The following IQGAP1 variants were observed in gnomAD, a reference collection of about 807,000 sequenced individuals.
IQGAP1 encodes the protein IQ motif containing GTPase activating protein 1.
Under a neutral mutation model 215.6 loss-of-function variants are expected in IQGAP1, and 66 were observed. The ratio of observed to expected loss-of-function variants is 0.31; its 90% CI spans 0.25 to 0.38. The LOEUF is 0.38. Among genes scored for constraint, IQGAP1 ranks in the 10% least tolerant of loss-of-function variants. The pLI is 1.00. For missense variants in IQGAP1, 1,712 were observed against 1,997.1 expected, an observed-to-expected ratio of 0.86 and a Z score of 2.72; for synonymous variants, 772 against 728.7, an observed-to-expected ratio of 1.06 and a Z score of -0.96.
intron 18 of IQGAP1, among the ~76,000 whole-genome samples, chr15:90,470,088 C>T (rs747506088): frequency 6.6e-6 from 1 of 152,136 alleles, no homozygotes; most frequent in African/African-American, 2.4e-5. Flanking sequence ...CATATATGGA[C>T]CTAAGAATTT....
chr15:90,487,006 G>A lies in IQGAP1; in HGVS notation c.4077G>A (p.Thr1359=), dbSNP rs138905294. 453 of 1,614,008 alleles carry A rather than the reference G, an allele frequency of 2.8e-4. No homozygotes were observed. Among genetic ancestry groups the A allele is most frequent in the Admixed American group, 6.2e-4 (37 of 60,024 alleles). The change falls in exon 32 of 38, where the codon ACG becomes ACA. Residue 1359 remains threonine, a synonymous_variant. Transcript: ENST00000268182. Reference sequence around the variant, plus strand: ...CAAATAAGGAGGCACTGGCTAAGACGGAAGTGTCTCTCACCCTGACCAACA... The same window carrying A: ...CAAATAAGGAGGCACTGGCTAAGACAGAAGTGTCTCTCACCCTGACCAACA... ...NDPNKEALAK[T]EVSLTLTNKF... is the part of the protein sequence containing the mutation.
chr15:90,456,042 A>G, intron 14 of IQGAP1, 110 bp from the exon 15 acceptor site: 1 of 881,618 alleles, frequency 1.1e-6, no homozygotes, highest in East Asian at 2.6e-5. Flanking sequence ...TGCAGTTTGA[A>G]TCATGGTTAC....
At chr15:90,459,277 A>G (rs1212955130) in intron 15 of IQGAP1, among the ~76,000 whole-genome samples, 1 of 152,236 alleles carries the variant, frequency 6.6e-6, no homozygotes, top group African/African-American at 2.4e-5. Flanking sequence ...CTAGACAGCA[A>G]CAGCATAAAA....
intron 35 of IQGAP1, 24 bp from the exon 36 acceptor site, chr15:90,494,689 A>G (rs549426825): frequency 1.3e-6 from 2 of 1,586,064 alleles, no homozygotes; most frequent in South Asian, 1.2e-5. Flanking sequence ...ACTTATAGAA[A>G]GTGACATGAT....
At chr15:90,409,916 T>C (rs1005463213) in intron 2 of IQGAP1, among the ~76,000 whole-genome samples, 1 of 152,254 alleles carries the variant, frequency 6.6e-6, no homozygotes, top group Non-Finnish European at 1.5e-5. Flanking sequence ...TGAGCATTTT[T>C]TCATGTGTCT....
chr15:90,466,960 C>T (rs1449355467), intron 17 of IQGAP1, among the ~76,000 whole-genome samples: 1 of 152,060 alleles, frequency 6.6e-6, no homozygotes, highest in Non-Finnish European at 1.5e-5. Flanking sequence ...AGTGTGGTGG[C>T]GTGTGCCTGT....
chr15:90,476,597 T>G (rs569290941), intron 23 of IQGAP1, 66 bp from the exon 24 acceptor site: 34 of 1,300,344 alleles, frequency 2.6e-5, no homozygotes, highest in Non-Finnish European at 3.6e-5. Flanking sequence ...CTGCAAAACC[T>G]TTCCTCAATG....
chr15:90,423,867 C>T (rs570457239), intron 2 of IQGAP1, among the ~76,000 whole-genome samples: 1 of 152,266 alleles, frequency 6.6e-6, no homozygotes, highest in Non-Finnish European at 1.5e-5. Context: ...GAGATGTTAC[C>T]ATGGGCTCTC....
intron 2 of IQGAP1, among the ~76,000 whole-genome samples, chr15:90,393,251 G>A (rs2151693824): frequency 6.6e-6 from 1 of 152,160 alleles, no homozygotes; most frequent in Admixed American, 6.5e-5. Context: ...AGAATCCACA[G>A]TTGCTCAACT....
Position 90,429,574 on chromosome 15 carries a change from CTTT to C in IQGAP1, c.313-7_313-5del. 4.4e-6 allele frequency: 6 copies of C among 1,378,118 alleles called. No individual in the cohort carries two copies. Among genetic ancestry groups the C allele is most frequent in the Non-Finnish European group, 5.9e-6 (6 of 1,017,654 alleles). 85.4% of individuals were successfully genotyped at this position (1,378,118 alleles called of 1,614,324 possible). ...AATACAGCCAATAATACCTAATTTT[CTTT>C]TTTTTTTCTAGGCGACTGGCCTCCA... On this transcript the variant is annotated splice_polypyrimidine_tract_variant and intron_variant, in intron 3 of 37. Coordinates refer to ENST00000268182, the MANE Select transcript of IQGAP1 (RefSeq NM_003870.4).
intron 2 of IQGAP1, among the ~76,000 whole-genome samples, chr15:90,394,781 AG>A (rs1279581536): frequency 7.2e-6 from 1 of 138,476 alleles, no homozygotes; most frequent in Non-Finnish European, 1.5e-5. Context: ...TCCCCTCTTC[AG>A]TTCTATTTAT....
chr15:90,449,423 G>T, intron 10 of IQGAP1, 136 bp from the exon 11 acceptor site: 2 of 657,346 alleles, frequency 3.0e-6, no homozygotes, highest in Non-Finnish European at 4.9e-6. Flanking sequence ...TGCCACCTTG[G>T]CTGCATGTAG....
chr15:90,406,670 A>C (rs1964882403), intron 2 of IQGAP1, among the ~76,000 whole-genome samples: 1 of 152,228 alleles, frequency 6.6e-6, no homozygotes, highest in Non-Finnish European at 1.5e-5. Flanking sequence ...ATTGGGACTT[A>C]CTAGGGCGTC....
chr15:90,445,236 T>A (rs1965510997), intron 9 of IQGAP1, among the ~76,000 whole-genome samples: 2 of 152,140 alleles, frequency 1.3e-5, no homozygotes, highest in Admixed American at 6.6e-5. Context: ...ATTGGGCACC[T>A]GCAGTAGCGT....
chr15:90,466,054 C>G lies in IQGAP1; in HGVS notation c.1830C>G (p.Ile610Met). The G allele has an allele frequency of 6.2e-7, 1 of 1,614,086 alleles. No individual in the cohort carries two copies. The highest frequency in any genetic ancestry group is 1.1e-5 in the South Asian group (1 of 91,070). Residue 610 changes from isoleucine to methionine, a missense_variant, in exon 16 of 38, where the codon ATC (isoleucine) becomes ATG (methionine). This residue lies in a region of IQGAP1 where 1,021 missense variants were observed against 1,074.2 expected (regional missense o/e 0.95). Transcript: ENST00000268182. ...GGTTGGATGAAATTCAAGGTGGAAT[C>G]TGGCAGTCCAACAAAGACACCCAAG... ...VLWLDEIQGGIWQSNKDTQEA... is the reference protein window; with the variant it reads ...VLWLDEIQGGMWQSNKDTQEA...
At chr15:90,487,247 A>G (rs1966139480) in intron 32 of IQGAP1, among the ~76,000 whole-genome samples, 158 bp downstream of exon 32, 1 of 152,238 alleles carries the variant, frequency 6.6e-6, no homozygotes, top group Admixed American at 6.5e-5. Context: ...TACTTGGTAC[A>G]GGACTTATCT....
intron 37 of IQGAP1, among the ~76,000 whole-genome samples, chr15:90,498,356 CA>C (rs10708658): frequency 0.84 from 123,102 of 146,656 alleles, 52,144 homozygotes; most frequent in African/African-American, 0.9. Context: ...GTACTTCCAC[CA>C]AAAAAAAAAA....
At chr15:90,393,434 A>G (rs748854112) in intron 2 of IQGAP1, 2 of 151,176 alleles carry the variant, frequency 1.3e-5, no homozygotes, top group Non-Finnish European at 2.9e-5. Context: ...GTTACACTGT[A>G]TTGTTTTATT....
intron 15 of IQGAP1, among the ~76,000 whole-genome samples, chr15:90,459,659 T>C (rs1965734371): frequency 6.6e-6 from 1 of 152,128 alleles, no homozygotes. Flanking sequence ...GAACTACACA[T>C]TGGGTGGAAT....
Sources: allele counts gnomAD v4.1 joint callset (sites outside exome capture counted in the v4.1 genomes callset), GRCh38; gene constraint gnomAD v4.1.1; regional missense constraint gnomAD v4.1.1; transcripts MANE v1.5; gene names NCBI Gene and HGNC (gene_info 2026-07-23, HGNC 2026-07-21).